The following KDM2B variants were observed in gnomAD, a reference collection of about 807,000 sequenced individuals.
KDM2B encodes the protein lysine-specific demethylase 2B.
Under a neutral mutation model 150.0 loss-of-function variants are expected in KDM2B, and 26 were observed. The observed-to-expected ratio is 0.17, with a 90% CI of 0.13 to 0.24. The LOEUF (loss-of-function observed/expected upper bound fraction) is 0.24. Ranked by LOEUF, KDM2B falls within the 10% of genes least tolerant of loss-of-function variation. The pLI, the probability that KDM2B is intolerant of heterozygous loss-of-function variation, is 1.00. For missense variants in KDM2B, 1,265 were observed against 1,816.9 expected (o/e 0.70, Z 5.52); for synonymous variants, 734 against 729.5 (o/e 1.01, Z -0.10).
At chr12:121,519,513 T>G (rs1462409711) in intron 9 of KDM2B, among the ~76,000 whole-genome samples, 1 of 152,102 alleles carries the variant, frequency 6.6e-6, no homozygotes, top group Non-Finnish European at 1.5e-5. Flanking sequence ...TTATGCTACA[T>G]GAAAGAAACC....
intron 12 of KDM2B, among the ~76,000 whole-genome samples, chr12:121,487,970 G>C (rs1230680170): frequency 6.6e-6 from 1 of 151,820 alleles, no homozygotes; most frequent in Non-Finnish European, 1.5e-5. Flanking sequence ...TTCAGTACAG[G>C]CAGGGTTTCA....
Position 121,496,194 on chromosome 12 carries a change from C to T in KDM2B, c.1648-1529G>A, listed in dbSNP as rs1220184332. Reference sequence around the variant, plus strand: ...CACCAGACTTTCTGCCCCAGGACCACCCACATAGGGTTTTTTTTGGCTACA... The same window carrying T: ...CACCAGACTTTCTGCCCCAGGACCATCCACATAGGGTTTTTTTTGGCTACA... On this transcript the variant is annotated intron_variant, in intron 11 of 22. Transcript: ENST00000377071. 2.0e-5 allele frequency among the ~76,000 whole-genome samples: 3 copies of T among 152,214 alleles called. No individual in the cohort carries two copies. The South Asian group carries it at 6.2e-4, about 32-fold the overall frequency.
chr12:121,505,452 AACACAGCGAG>A (rs1416930737), intron 11 of KDM2B, among the ~76,000 whole-genome samples: 1 of 152,116 alleles, frequency 6.6e-6, no homozygotes, highest in African/African-American at 2.4e-5. Context: ...GAGCCTGGGC[AACACAGCGAG>A]ACCTCTGTCT....
At chr12:121,558,602 T>C (rs1181372119) in intron 4 of KDM2B, among the ~76,000 whole-genome samples, 37 of 152,062 alleles carry the variant, frequency 2.4e-4, no homozygotes, top group Middle Eastern at 3.4e-3. Flanking sequence ...TACAGGCGCA[T>C]GCCACCATGC....
At chr12:121,439,166 A>G (rs530499108) in intron 22 of KDM2B, among the ~76,000 whole-genome samples, 5 of 152,248 alleles carry the variant, frequency 3.3e-5, no homozygotes, top group Non-Finnish European at 5.9e-5. Flanking sequence ...CAACGACAGC[A>G]AAGGCAGAAA....
chr12:121,431,831 A>C (rs1344740795), intron 22 of KDM2B, among the ~76,000 whole-genome samples: 4 of 151,204 alleles, frequency 2.6e-5, no homozygotes, highest in Admixed American at 2.6e-4. Flanking sequence ...GGAAAACGAG[A>C]GATGCTTCAA....
chr12:121,449,585 C>G (rs1876878488), intron 13 of KDM2B, among the ~76,000 whole-genome samples: 1 of 152,138 alleles, frequency 6.6e-6, no homozygotes, highest in African/African-American at 2.4e-5. Flanking sequence ...CTGGGCCCAG[C>G]ACACGGGGGC....
chr12:121,512,847 C>T (rs782527781), intron 10 of KDM2B, among the ~76,000 whole-genome samples: 11 of 152,244 alleles, frequency 7.2e-5, no homozygotes, highest in Non-Finnish European at 1.6e-4. Flanking sequence ...TCAAAGACAG[C>T]CTTGAGTTTT....
At chr12:121,508,619 G>T (rs782349256) in intron 11 of KDM2B, among the ~76,000 whole-genome samples, 2 of 152,162 alleles carry the variant, frequency 1.3e-5, no homozygotes, top group Non-Finnish European at 2.9e-5. Flanking sequence ...TACTAATGCT[G>T]AGACAAGAGG....
In KDM2B at chr12:121,521,943, T is replaced by TA. The variant is rs1308554590; in HGVS notation, c.932-844dup. Among the ~76,000 whole-genome samples, 5 of 151,546 alleles carry TA rather than the reference T, an allele frequency of 3.3e-5. No individual in the cohort carries two copies. Among genetic ancestry groups the TA allele is most frequent in the Non-Finnish European group, 7.4e-5 (5 of 67,876 alleles). On this transcript the variant is annotated intron_variant, in intron 8 of 22. Coordinates refer to ENST00000377071, the MANE Select transcript of KDM2B (RefSeq NM_032590.5). The surrounding 1 kb of genome is among the most constrained non-coding windows in gnomAD (Gnocchi z 4.9). ...GGACAATATAGTAATACCTCATCTC[T>TA]AAAAAAAATTAAATAAATAGCAGGG... is the stretch of plus-strand genomic sequence containing the variant.
In KDM2B at chr12:121,466,684, G is replaced by A. The variant is rs1209858990; in HGVS notation, c.1735-13340C>T. Among the ~76,000 whole-genome samples, 18 of 150,616 alleles carry A rather than the reference G, an allele frequency of 1.2e-4. 1 individual carries two copies. On this transcript the variant is annotated intron_variant, in intron 12 of 22. Coordinates refer to ENST00000377071, the MANE Select transcript of KDM2B (RefSeq NM_032590.5). ...GCCCACGGGCCCCGGGAGCGCTCCA[G>A]CCCCGAAGCCGAGGGTCCTGGCACA... is the stretch of plus-strand genomic sequence containing the variant.
Position 121,452,686 on chromosome 12 carries a change from G to A in KDM2B, c.1959+434C>T, listed in dbSNP as rs1877501753. Among the ~76,000 whole-genome samples, 1 of 152,234 alleles carries A rather than the reference G, an allele frequency of 6.6e-6. No individual in the cohort carries two copies. Among genetic ancestry groups the A allele is most frequent in the Non-Finnish European group, 1.5e-5 (1 of 68,044 alleles). On this transcript the variant is annotated intron_variant, in intron 13 of 22. Coordinates refer to ENST00000377071, the MANE Select transcript of KDM2B (RefSeq NM_032590.5). The surrounding 1 kb of genome is among the most constrained non-coding windows in gnomAD (Gnocchi z 4.4). The stretch of plus-strand genomic sequence containing the variant: ...CTGAGGCCAGGCGGTGTGGAGGGGC[G>A]GGCCAGGCTCTCCCGGGCGCGGCTC...
chr12:121,470,295 A>C (rs1488928462), intron 12 of KDM2B: 1 of 152,216 alleles, frequency 6.6e-6, no homozygotes, highest in Admixed American at 6.5e-5. Context: ...CGGAAAGGAA[A>C]AGTGCGGACA....
At chr12:121,431,969 C>G (rs577788350) in intron 22 of KDM2B, among the ~76,000 whole-genome samples, 2 of 150,580 alleles carry the variant, frequency 1.3e-5, no homozygotes, top group African/African-American at 4.9e-5. Flanking sequence ...CTGCAACCTC[C>G]CCTTCCCAGG....
intron 1 of KDM2B, chr12:121,579,480 T>A: frequency 1.3e-6 from 1 of 779,214 alleles, no homozygotes; most frequent in Admixed American, 2.4e-5. Flanking sequence ...ATGGAAGGGC[T>A]GAGACCCCAG....
intron 12 of KDM2B, among the ~76,000 whole-genome samples, chr12:121,484,627 G>A (rs988232246): frequency 1.3e-5 from 2 of 152,036 alleles, no homozygotes; most frequent in African/African-American, 2.4e-5. Flanking sequence ...AGACCAATCT[G>A]AGCAACAGAG....
At chr12:121,448,871 A>C (rs1876746685) in intron 13 of KDM2B, among the ~76,000 whole-genome samples, 1 of 152,184 alleles carries the variant, frequency 6.6e-6, no homozygotes, top group Admixed American at 6.5e-5. Flanking sequence ...CTGAAATCCA[A>C]AGAAAACATG....
rs150266792 is a variant in KDM2B at position 121,429,855 on chromosome 12, CAAAA to C, written c.*429_*432del. Reference sequence around the variant, plus strand: ...GTAAGATGTAACAAAACCAACCAAACAAAAAAAAGTGTCAAGACGGCAGCAGATG... The same window carrying C: ...GTAAGATGTAACAAAACCAACCAAACAAAAGTGTCAAGACGGCAGCAGATG... On this transcript the variant is annotated 3_prime_UTR_variant, in exon 23 of 23. Coordinates refer to ENST00000377071, the MANE Select transcript of KDM2B (RefSeq NM_032590.5). The C allele has an allele frequency of 7.0e-6, 4 of 569,040 alleles. No individual in the cohort carries two copies. Among genetic ancestry groups the C allele is most frequent in the African/African-American group, 5.6e-5 (3 of 53,650 alleles). The allele number at this position is 569,040 out of a possible 1,614,324, so 35.2% of individuals were successfully genotyped here. A position where few individuals can be genotyped will look rare whatever the true frequency, so the allele number is the denominator to read the frequency against.
chr12:121,481,556 A>C, intron 12 of KDM2B, among the ~76,000 whole-genome samples: 5 of 151,832 alleles, frequency 3.3e-5, no homozygotes, highest in South Asian at 2.1e-4. Context: ...GGGGCGGGGA[A>C]TGACAACTTA....
Sources: allele counts gnomAD v4.1 joint callset (sites outside exome capture counted in the v4.1 genomes callset), GRCh38; gene constraint gnomAD v4.1.1; non-coding constraint Gnocchi (gnomAD v3.1); transcripts MANE v1.5; gene names NCBI Gene and HGNC (gene_info 2026-07-23, HGNC 2026-07-21).